Variants in PTGS2 observed in about 807,000 individuals in gnomAD.
The protein encoded by PTGS2 is prostaglandin-endoperoxide synthase 2.
PTGS2 carries 14 observed loss-of-function variants against 63.8 expected under a neutral mutation model. That is an observed-to-expected ratio of 0.22 (90% CI 0.14 to 0.34). PTGS2 has a LOEUF of 0.34. Among genes scored for constraint, PTGS2 ranks in the 10% least tolerant of loss-of-function variants. The pLI, the probability that PTGS2 is intolerant of heterozygous loss-of-function variation, is 1.00. For missense variants in PTGS2, 533 were observed against 738.5 expected (o/e 0.72, Z 3.23); for synonymous variants, 271 against 259.5 (o/e 1.04, Z -0.43).
In PTGS2 at chr1:186,673,241, A is replaced by G. The variant is rs1665720233; in HGVS notation, c.*1112T>C. Reference sequence around the variant, plus strand: ...TTATGAGGTCATTGCTACTTTTGCAATGTGATATGGACTGCTAAATTAAAC... The same window carrying G: ...TTATGAGGTCATTGCTACTTTTGCAGTGTGATATGGACTGCTAAATTAAAC... On this transcript the variant is annotated 3_prime_UTR_variant, in exon 10 of 10. Transcript: ENST00000367468. The G allele has an allele frequency of 6.6e-6, 1 of 152,176 alleles. No individual in the cohort carries two copies. The highest frequency in any genetic ancestry group is 2.1e-4 in the South Asian group (1 of 4,834). 9.4% of individuals were successfully genotyped at this position (152,176 alleles called of 1,614,324 possible).
At chr1:186,680,210 G>A in intron 1 of PTGS2, 29 bp downstream of exon 1, 3 of 1,549,782 alleles carry the variant, frequency 1.9e-6, no homozygotes, top group Non-Finnish European at 1.7e-6. Context: ...TGGAACCGGA[G>A]TCCCCGGTGC....
chr1:186,676,618 C>T lies in PTGS2; in HGVS notation c.819G>A (p.Val273=), dbSNP rs372801628. The change falls in exon 7 of 10, where the codon GTG becomes GTA. Residue 273 remains valine, a synonymous_variant. Transcript: ENST00000367468. The part of the protein sequence containing the change: ...PQVPEHLRFA[V]GQEVFGLVPG... ...GCACCAGACCAAAGACCTCCTGCCC[C>T]ACAGCAAACCGTAGATGCTCAGGGA... The T allele has an allele frequency of 2.3e-5, 37 of 1,614,006 alleles. No individual in the cohort carries two copies. Among genetic ancestry groups the T allele is most frequent in the Non-Finnish European group, 3.0e-5 (35 of 1,180,032 alleles).
In PTGS2 at chr1:186,676,558, C is replaced by G; in HGVS notation, c.879G>C (p.Arg293=). 6.2e-7 allele frequency: 1 copy of G among 1,614,102 alleles called. No individual in the cohort carries two copies. The highest frequency in any genetic ancestry group is 8.5e-7 in the Non-Finnish European group (1 of 1,180,000). ...GLMMYATIWL[R]EHNRVCDVLK... The stretch of plus-strand genomic sequence containing the variant: ...GCACATCGCATACTCTGTTGTGTTC[C>G]CGCAGCCAGATTGTGGCATACATCA... The change falls in exon 7 of 10, where the codon CGG becomes CGC. Residue 293 remains arginine (R), a synonymous_variant. Transcript: ENST00000367468.
rs569370853 is a variant in PTGS2 at position 186,675,245 on chromosome 1, T to A, written c.1405+4A>T. 5.6e-6 allele frequency: 9 copies of A among 1,607,292 alleles called. No individual in the cohort carries two copies. The highest frequency in any genetic ancestry group is 1.3e-5 in the African/African-American group (1 of 74,308). ...AACGAAGAAGTTTAGAAACTGTTTCTTACCTGTAAGTTCTTCAAATGATTC... is the reference window on the plus strand; with the variant it reads ...AACGAAGAAGTTTAGAAACTGTTTCATACCTGTAAGTTCTTCAAATGATTC... On this transcript the variant is annotated splice_donor_region_variant and intron_variant, in intron 9 of 9. Coordinates refer to ENST00000367468, the MANE Select transcript of PTGS2 (RefSeq NM_000963.4).
At chr1:186,680,021 C>T (rs994784198) in intron 1 of PTGS2, among the ~76,000 whole-genome samples, 1 of 152,214 alleles carries the variant, frequency 6.6e-6, no homozygotes, top group Non-Finnish European at 1.5e-5. Flanking sequence ...TGTCTCAGAT[C>T]GGTTAAGTAA....
chr1:186,676,181 T>A lies in PTGS2; in HGVS notation c.974A>T (p.Glu325Val). The change falls in exon 8 of 10, where the codon GAG (glutamate) becomes GTG (valine). Residue 325 changes from glutamate (E) to valine (V), a missense_variant. Physicochemically the swap from Glu to Val is moderately radical, Grantham distance 121 (BLOSUM62 -2). This residue lies in a region of PTGS2 where 67 missense variants were observed against 152.6 expected (regional missense o/e 0.44). Coordinates refer to ENST00000367468, the MANE Select transcript of PTGS2 (RefSeq NM_000963.4). ...ATCTTCAATCACAATCTTAATAGTC[T>A]CTCCTATTTGCACAAAATAAATAAT... ...FQTSRLILIG[E>V]TIKIVIEDYV... 6.3e-7 allele frequency: 1 copy of A among 1,597,216 alleles called. No individual in the cohort carries two copies. The highest frequency in any genetic ancestry group is 8.6e-7 in the Non-Finnish European group (1 of 1,169,524).
At position 186,674,713 on chromosome 1, in the gene PTGS2, A is replaced by G. The variant is rs1004386345; in HGVS notation, c.1455T>C (p.Asp485=). ...AELEALYGDI[D]AVELYPALLV... is the part of the protein sequence containing the mutation. ...GAAGGGCAGGATACAGCTCCACAGC[A>G]TCGATGTCACCATAGAGTGCTTCCA... Residue 485 remains aspartate, a synonymous_variant, in exon 10 of 10, where the codon GAT becomes GAC. Coordinates refer to ENST00000367468, the MANE Select transcript of PTGS2 (RefSeq NM_000963.4). 2.5e-6 allele frequency: 4 copies of G among 1,614,072 alleles called. No homozygotes were observed. Among genetic ancestry groups the G allele is most frequent in the Non-Finnish European group, 3.4e-6 (4 of 1,180,020 alleles).
chr1:186,675,521 G>C, intron 8 of PTGS2, 125 bp from the exon 9 acceptor site: 1 of 1,100,676 alleles, frequency 9.1e-7, no homozygotes, highest in Non-Finnish European at 1.3e-6. Context: ...TTATTTGCTG[G>C]AAAGATGCTT....
At position 186,674,400 on chromosome 1, in the gene PTGS2, C is replaced by T. The variant is rs373482960; in HGVS notation, c.1768G>A (p.Asp590Asn). 2.2e-5 allele frequency: 36 copies of T among 1,613,766 alleles called. No individual in the cohort carries two copies. Among genetic ancestry groups the T allele is most frequent in the Non-Finnish European group, 2.7e-5 (32 of 1,179,834 alleles). Residue 590 changes from aspartate (D) to asparagine (N), a missense_variant, in exon 10 of 10, where the codon GAT becomes AAT. Asp to Asn is a conservative substitution (Grantham distance 23). Transcript: ENST00000367468. ...NASSSRSGLDDINPTVLLKER... is the reference protein window; with the variant it reads ...NASSSRSGLDNINPTVLLKER... ...TTTAGTAGTACTGTGGGATTGATAT[C>T]ATCTAGTCCGGAGCGGGAAGAACTT...
At position 186,674,106 on chromosome 1, in the gene PTGS2, C is replaced by G. The variant is rs4648290; in HGVS notation, c.*247G>C. 1,610 of 205,644 alleles carry G rather than the reference C, an allele frequency of 7.8e-3. 8 individuals are homozygous for G. Among genetic ancestry groups the G allele is most frequent in the Middle Eastern group, 0.017 (9 of 528 alleles). The allele number at this position is 205,644 out of a possible 1,614,324, so 12.7% of individuals were successfully genotyped here. On this transcript the variant is annotated 3_prime_UTR_variant, in exon 10 of 10. Coordinates refer to ENST00000367468, the MANE Select transcript of PTGS2 (RefSeq NM_000963.4). ...AGTTGAAATTCAAGTAAAAAGACGT[C>G]AAAACTCATTTCTCTCTGGTTTATA...
At position 186,673,679 on chromosome 1, in the gene PTGS2, A is replaced by G. The variant is rs1665729741; in HGVS notation, c.*674T>C. ...ATAAAATATTTTAACAAGCAATTGT[A>G]GTAAAATTTCTACTGATTTTACAGA... is the stretch of plus-strand genomic sequence containing the variant. On this transcript the variant is annotated 3_prime_UTR_variant, in exon 10 of 10. Coordinates refer to ENST00000367468, the MANE Select transcript of PTGS2 (RefSeq NM_000963.4). 2 of 152,248 alleles carry G rather than the reference A, an allele frequency of 1.3e-5. No individual in the cohort carries two copies. The highest frequency in any genetic ancestry group is 2.9e-5 in the Non-Finnish European group (2 of 68,034). The allele number at this position is 152,248 out of a possible 1,614,324, so 9.4% of individuals were successfully genotyped here.
rs779400559 is a variant in PTGS2 at position 186,679,051 on chromosome 1, T to A, written c.313+7A>T. 8.7e-6 allele frequency: 14 copies of A among 1,611,236 alleles called. No homozygotes were observed. Among genetic ancestry groups the A allele is most frequent in the Middle Eastern group, 1.6e-4 (1 of 6,066 alleles). On this transcript the variant is annotated splice_region_variant and intron_variant, in intron 3 of 9. Transcript: ENST00000367468. ...GCTAAAAACCTTAGAAAGACACTTG[T>A]ACTTACATGTCAACACATAACTCAT...
chr1:186,679,149 C>T lies in PTGS2; in HGVS notation c.222G>A (p.Val74=). 2 of 1,613,986 alleles carry T rather than the reference C, an allele frequency of 1.2e-6. No individual in the cohort carries two copies. Among genetic ancestry groups the T allele is most frequent in the African/African-American group, 1.3e-5 (1 of 75,030 alleles). ...KLFLKPTPNT[V]HYILTHFKGF... is the part of the protein sequence containing the mutation. ...CCTTGAAGTGGGTAAGTATGTAGTG[C>T]ACTGTGTTTGGAGTGGGTTTCAGAA... Residue 74 remains valine, a synonymous_variant, in exon 3 of 10, where the codon GTG becomes GTA. Transcript: ENST00000367468.
chr1:186,678,920 G>T, intron 3 of PTGS2, 138 bp downstream of exon 3: 1 of 1,111,636 alleles, frequency 9.0e-7, no homozygotes, highest in Non-Finnish European at 1.3e-6. Flanking sequence ...TGGCGATTAA[G>T]ATGGAAGGCA....
Position 186,672,064 on chromosome 1 carries a change from A to G in PTGS2, c.*2289T>C, listed in dbSNP as rs1413538661. ...TCTTTCTTAACCTTAAACATTCTAA[A>G]CGTAAAATTGTAAAGAAGATTCTCC... On this transcript the variant is annotated 3_prime_UTR_variant, in exon 10 of 10. Coordinates refer to ENST00000367468, the MANE Select transcript of PTGS2 (RefSeq NM_000963.4). The G allele has an allele frequency of 6.6e-6, 1 of 152,000 alleles. No homozygotes were observed. Among genetic ancestry groups the G allele is most frequent in the East Asian group, 1.9e-4 (1 of 5,188 alleles). The allele number at this position is 152,000 out of a possible 1,614,324, so 9.4% of individuals were successfully genotyped here.
chr1:186,677,267 A>C (rs1665797661), intron 5 of PTGS2, among the ~76,000 whole-genome samples: 1 of 152,324 alleles, frequency 6.6e-6, no homozygotes, highest in East Asian at 1.9e-4. Flanking sequence ...AAATCCAAAA[A>C]ATAATAATGC....
intron 3 of PTGS2, among the ~76,000 whole-genome samples, 154 bp from the exon 4 acceptor site, chr1:186,678,558 C>T (rs879761396): frequency 3.3e-5 from 5 of 152,154 alleles, no homozygotes; most frequent in African/African-American, 1.2e-4. Context: ...ACTTTATAGT[C>T]TAATGGCCAC....
rs368496817 is a variant in PTGS2, at chr1:186,675,418, G to C, written c.1258-22C>G. ...CAACCTGTGGAAAGTAAAATTAGTTGTAAAACAAGAATTTTAGGCATATTT... is the reference window on the plus strand; with the variant it reads ...CAACCTGTGGAAAGTAAAATTAGTTCTAAAACAAGAATTTTAGGCATATTT... On this transcript the variant is annotated intron_variant, in intron 8 of 9. Coordinates refer to ENST00000367468, the MANE Select transcript of PTGS2 (RefSeq NM_000963.4). 4.7e-5 allele frequency: 75 copies of C among 1,605,514 alleles called. No individual in the cohort carries two copies. In the Middle Eastern group the frequency reaches 1.0e-3, roughly 21 times the overall value.
Position 186,673,668 on chromosome 1 carries a change from C to G in PTGS2, c.*685G>C, listed in dbSNP as rs1267665607. On this transcript the variant is annotated 3_prime_UTR_variant, in exon 10 of 10. Coordinates refer to ENST00000367468, the MANE Select transcript of PTGS2 (RefSeq NM_000963.4). Reference sequence around the variant, plus strand: ...GAACATCACTTATAAAATATTTTAACAAGCAATTGTAGTAAAATTTCTACT... The same window carrying G: ...GAACATCACTTATAAAATATTTTAAGAAGCAATTGTAGTAAAATTTCTACT... 1 of 152,168 alleles carries G rather than the reference C, an allele frequency of 6.6e-6. No homozygotes were observed. Among genetic ancestry groups the G allele is most frequent in the Non-Finnish European group, 1.5e-5 (1 of 68,006 alleles). The allele number at this position is 152,168 out of a possible 1,614,324, so 9.4% of individuals were successfully genotyped here.
Sources: gnomAD v4.1 joint callset for allele counts (sites outside exome capture counted in the v4.1 genomes callset) on GRCh38, gnomAD v4.1.1 for gene constraint, gnomAD v4.1.1 regional missense constraint, MANE v1.5 for transcripts, NCBI Gene and HGNC (gene_info 2026-07-23, HGNC 2026-07-21) for gene names.